The following SAMD5 variants were observed in gnomAD, a reference collection of about 807,000 sequenced individuals.
SAMD5 encodes the protein sterile alpha motif domain containing 5, also known as sterile alpha motif domain-containing protein 5.
Under a neutral mutation model 11.3 loss-of-function variants are expected in SAMD5, and 13 were observed. That is an observed-to-expected ratio of 1.15 (90% CI 0.75 to 1.83). The LOEUF is 1.83. Ranked by LOEUF, SAMD5 falls within the 40% of genes most tolerant of loss-of-function variation. SAMD5 has a pLI of 0.00. For synonymous variants in SAMD5, 129 were observed against 111.3 expected, an observed-to-expected ratio of 1.16 and a Z score of -1.00; for missense variants, 255 against 239.1, an observed-to-expected ratio of 1.07 and a Z score of -0.44.
At chr6:147,533,576 GGAGA>G (rs932357172) in intron 1 of SAMD5, among the ~76,000 whole-genome samples, 1 of 152,120 alleles carries the variant, frequency 6.6e-6, no homozygotes, top group Admixed American at 6.5e-5. Flanking sequence ...AAGACAGCGA[GGAGA>G]GAGTCACCAG....
chr6:147,562,761 G>T lies in SAMD5; in HGVS notation c.460-1633G>T, dbSNP rs554078700. Reference sequence around the variant, plus strand: ...GGCGTGAACCCGGGAGGCGGAGCTTGCAGTGAGCCGAGATCGCACCACTGC... The same window carrying T: ...GGCGTGAACCCGGGAGGCGGAGCTTTCAGTGAGCCGAGATCGCACCACTGC... On this transcript the variant is annotated intron_variant, in intron 1 of 1. Transcript: ENST00000367474. Among the ~76,000 whole-genome samples, 9 of 152,180 alleles carry T rather than the reference G, an allele frequency of 5.9e-5. No individual in the cohort carries two copies. The South Asian group carries it at 1.7e-3, about 28-fold the overall frequency.
At chr6:147,762,614 A>G in the SAMD5 span, among the ~76,000 whole-genome samples, 1 of 152,224 alleles carries the variant, frequency 6.6e-6, no homozygotes, top group African/African-American at 2.4e-5. Flanking sequence ...TAAACTCGTA[A>G]AAGTAGTGGA....
At chr6:147,806,455 C>A in the SAMD5 span, among the ~76,000 whole-genome samples, 1 of 152,170 alleles carries the variant, frequency 6.6e-6, no homozygotes, top group Non-Finnish European at 1.5e-5. Context: ...TCTAGTGGAG[C>A]CATGTACCTG....
chr6:147,658,739 G>A (rs1373871746), intron 1 of SAMD5, among the ~76,000 whole-genome samples: 6 of 152,014 alleles, frequency 3.9e-5, no homozygotes, highest in African/African-American at 1.4e-4. Flanking sequence ...GTAAGAATTG[G>A]GCTAAACATG....
the SAMD5 span, among the ~76,000 whole-genome samples, chr6:147,745,942 A>G: frequency 6.6e-6 from 1 of 151,974 alleles, no homozygotes; most frequent in African/African-American, 2.4e-5. Flanking sequence ...GGGTTTCACT[A>G]TCTTGGCCAG....
chr6:147,620,012 G>A (rs951995067), intron 1 of SAMD5, among the ~76,000 whole-genome samples: 7 of 152,180 alleles, frequency 4.6e-5, no homozygotes, highest in African/African-American at 1.4e-4. Flanking sequence ...AGGCTTCTAC[G>A]TGAAATATAA....
the SAMD5 span, among the ~76,000 whole-genome samples, chr6:147,922,552 T>C: frequency 9.9e-5 from 15 of 152,168 alleles, no homozygotes; most frequent in Non-Finnish European, 1.5e-4. Flanking sequence ...TAAAATATTA[T>C]AAGCATGAGT....
At chr6:147,695,315 A>G (rs1455594206) in intron 1 of SAMD5, among the ~76,000 whole-genome samples, 2 of 149,370 alleles carry the variant, frequency 1.3e-5, no homozygotes, top group African/African-American at 5.0e-5. Context: ...TTGAGTTTCT[A>G]TGATTTTTTT....
At chr6:147,581,857 T>C (rs1444967016) in intron 1 of SAMD5, among the ~76,000 whole-genome samples, 1 of 151,252 alleles carries the variant, frequency 6.6e-6, no homozygotes, top group Admixed American at 6.6e-5. Context: ...GGATGAGAGG[T>C]GGGTGGAGAG....
chr6:147,587,423 G>A (rs1365178471), intron 1 of SAMD5, among the ~76,000 whole-genome samples: 1 of 152,016 alleles, frequency 6.6e-6, no homozygotes, highest in African/African-American at 2.4e-5. Context: ...TTTTAGTAGA[G>A]ATAGGATTTC....
chr6:147,562,831 T>TA (rs1206265370), intron 1 of SAMD5, among the ~76,000 whole-genome samples: 1 of 150,224 alleles, frequency 6.7e-6, no homozygotes, highest in Non-Finnish European at 1.5e-5. Context: ...CAAAAAAAAA[T>TA]AAATAAATAA....
the SAMD5 span, among the ~76,000 whole-genome samples, chr6:147,761,028 G>T: frequency 6.6e-6 from 1 of 152,092 alleles, no homozygotes; most frequent in East Asian, 1.9e-4. Flanking sequence ...AATTCTTTTA[G>T]CAGTTTTCAT....
intron 1 of SAMD5, among the ~76,000 whole-genome samples, chr6:147,535,334 C>CTTAAGG: frequency 6.6e-6 from 1 of 152,246 alleles, no homozygotes; most frequent in South Asian, 2.1e-4. Context: ...AGTGAACAGC[C>CTTAAGG]TACTATAAGG....
At chr6:147,660,133 T>A (rs1213014537) in intron 1 of SAMD5, among the ~76,000 whole-genome samples, 1 of 152,190 alleles carries the variant, frequency 6.6e-6, no homozygotes, top group African/African-American at 2.4e-5. Flanking sequence ...GAAGTCGGCC[T>A]GTCCTTATGA....
chr6:147,583,662 C>A (rs1291042923), intron 1 of SAMD5, among the ~76,000 whole-genome samples: 2 of 152,042 alleles, frequency 1.3e-5, no homozygotes, highest in Non-Finnish European at 2.9e-5. Context: ...AACCATCAGC[C>A]CTGTACTGAA....
At chr6:147,680,449 CA>C (rs1351500551) in intron 1 of SAMD5, among the ~76,000 whole-genome samples, 1 of 152,052 alleles carries the variant, frequency 6.6e-6, no homozygotes, top group Non-Finnish European at 1.5e-5. Context: ...CACCCATGGA[CA>C]GGTGGACTGC....
At chr6:147,927,152 T>C in the SAMD5 span, among the ~76,000 whole-genome samples, 14 of 152,206 alleles carry the variant, frequency 9.2e-5, no homozygotes, top group Non-Finnish European at 1.8e-4. Flanking sequence ...TTCGGGCTTT[T>C]TTTTGTTCCA....
the SAMD5 span, among the ~76,000 whole-genome samples, chr6:147,814,293 T>A: frequency 6.6e-6 from 1 of 152,210 alleles, no homozygotes; most frequent in Non-Finnish European, 1.5e-5. Flanking sequence ...AATATTTACA[T>A]ATATATTTTA....
chr6:147,617,760 C>T (rs908095506), intron 1 of SAMD5, among the ~76,000 whole-genome samples: 1 of 152,172 alleles, frequency 6.6e-6, no homozygotes. Flanking sequence ...CATTGCCCTC[C>T]ATATAGCAAA....
Sources: allele counts gnomAD v4.1 joint callset (sites outside exome capture counted in the v4.1 genomes callset), GRCh38; gene constraint gnomAD v4.1.1; transcripts MANE v1.5; gene names NCBI Gene and HGNC (gene_info 2026-07-23, HGNC 2026-07-21).